The following EXD3 variants were observed in gnomAD, a reference collection of about 807,000 sequenced individuals.
The protein encoded by EXD3 is exonuclease 3'-5' domain containing 3.
Under a neutral mutation model 98.0 loss-of-function variants are expected in EXD3, and 92 were observed. The observed-to-expected ratio is 0.94, with a 90% CI of 0.79 to 1.12. The LOEUF is 1.12. Among genes scored for constraint, EXD3 ranks in the 50% most tolerant of loss-of-function variants. The pLI, the probability that EXD3 is intolerant of heterozygous loss-of-function variation, is 0.00. For synonymous variants in EXD3, 569 were observed against 526.0 expected (o/e 1.08, Z -1.12); for missense variants, 1,222 against 1,191.6 (o/e 1.03, Z -0.38).
intron 17 of EXD3, among the ~76,000 whole-genome samples, chr9:137,346,262 A>AAAAAAAAAAAAAAAAT: frequency 6.7e-6 from 1 of 149,554 alleles, no homozygotes; most frequent in African/African-American, 2.5e-5. Context: ...AAAAAAAAAA[A>AAAAAAAAAAAAAAAAT]AAAAATTCAC....
chr9:137,358,949 C>G (rs1005290440), intron 7 of EXD3, among the ~76,000 whole-genome samples: 5 of 150,800 alleles, frequency 3.3e-5, no homozygotes, highest in African/African-American at 1.2e-4. Context: ...CCTGGCAAGG[C>G]CTACTTTTTT....
rs745682713 is a variant in EXD3, at chr9:137,359,191, G to A, written c.657-2823C>T. Among the ~76,000 whole-genome samples the A allele has an allele frequency of 4.0e-4, 33 of 82,346 alleles. 12 individuals carry two copies. Among genetic ancestry groups the A allele is most frequent in the African/African-American group, 2.7e-4 (8 of 29,842 alleles). 54.0% of individuals were successfully genotyped at this position (82,346 alleles called of 152,430 possible). ...TCACTGTGTTAGCCAGGTTAGTCTC[G>A]ATCTCCTGACCTCATGATCTGCCTG... On this transcript the variant is annotated intron_variant, in intron 7 of 21. Coordinates refer to ENST00000340951, the MANE Select transcript of EXD3 (RefSeq NM_017820.5).
intron 19 of EXD3, among the ~76,000 whole-genome samples, chr9:137,317,953 GT>G (rs1368574093): frequency 6.6e-6 from 1 of 152,170 alleles, no homozygotes. Flanking sequence ...TGGGAATGGG[GT>G]CTGGGCTGAG....
At chr9:137,352,974 G>A (rs747843561) in intron 10 of EXD3, 188 bp from the exon 11 acceptor site, 347 of 1,406,206 alleles carry the variant, frequency 2.5e-4, no homozygotes, top group Non-Finnish European at 3.0e-4. Context: ...GGACCAAAGC[G>A]GCTGAGATAG....
chr9:137,327,232 C>A (rs1218961616), intron 17 of EXD3, among the ~76,000 whole-genome samples: 7 of 151,110 alleles, frequency 4.6e-5, no homozygotes, highest in African/African-American at 1.7e-4. Context: ...CTCCCGGGTT[C>A]ACGCCATTCT....
At chr9:137,365,272 G>A (rs1404186072) in intron 7 of EXD3, 1 of 152,240 alleles carries the variant, frequency 6.6e-6, no homozygotes, top group Non-Finnish European at 1.5e-5. Flanking sequence ...ACAAGTGGAG[G>A]AGGATGGGCC....
intron 3 of EXD3, among the ~76,000 whole-genome samples, chr9:137,379,021 C>T (rs1354315366): frequency 3.9e-5 from 4 of 101,964 alleles, no homozygotes; most frequent in South Asian, 3.6e-4. Flanking sequence ...TCGTGGGTGA[C>T]GGTGACCGTT....
At chr9:137,384,810 A>G (rs1236134973) in intron 2 of EXD3, among the ~76,000 whole-genome samples, 1 of 152,226 alleles carries the variant, frequency 6.6e-6, no homozygotes, top group Non-Finnish European at 1.5e-5. Flanking sequence ...AAAGCAGCTC[A>G]TGCAAAACAA....
chr9:137,313,586 C>T (rs1564462347), intron 19 of EXD3, among the ~76,000 whole-genome samples: 1 of 152,196 alleles, frequency 6.6e-6, no homozygotes, highest in Non-Finnish European at 1.5e-5. Context: ...GCAACCTCAG[C>T]CCAGGCCTGT....
At chr9:137,384,164 C>A (rs909342271) in intron 2 of EXD3, among the ~76,000 whole-genome samples, 1 of 152,194 alleles carries the variant, frequency 6.6e-6, no homozygotes, top group East Asian at 1.9e-4. Context: ...AGCTGCTGGG[C>A]CCCCCTGCAG....
chr9:137,331,178 T>C lies in EXD3; in HGVS notation c.1999-7035A>G, dbSNP rs959562401. On this transcript the variant is annotated intron_variant, in intron 17 of 21. Coordinates refer to ENST00000340951, the MANE Select transcript of EXD3 (RefSeq NM_017820.5). ...CTACACGATCATCTCAGTAGATGCA[T>C]ACAAAGCACTTGACAAAATCTAGCA... is the stretch of plus-strand genomic sequence containing the variant. Among the ~76,000 whole-genome samples the C allele has an allele frequency of 1.6e-4, 24 of 152,272 alleles. 1 individual carries two copies. Among genetic ancestry groups the C allele is most frequent in the East Asian group, 9.6e-4 (5 of 5,192 alleles).
chr9:137,372,962 G>C lies in EXD3; in HGVS notation c.405C>G (p.Asp135Glu). ...GGACGTGTGCCAGCAGGCAGCTCCTGTCTGCATCCTGCAGCTGGAAGATGC... is the reference window on the plus strand; with the variant it reads ...GGACGTGTGCCAGCAGGCAGCTCCTCTCTGCATCCTGCAGCTGGAAGATGC... ...LASIFQLQDA[D>E]RSCLLAHVHR... The change falls in exon 5 of 22, where the codon GAC becomes GAG. Residue 135 changes from aspartate (D) to glutamate (E), a missense_variant. Transcript: ENST00000340951. The C allele has an allele frequency of 6.2e-7, 1 of 1,603,326 alleles. No homozygotes were observed. The highest frequency in any genetic ancestry group is 8.5e-7 in the Non-Finnish European group (1 of 1,179,738).
At chr9:137,401,180 G>A (rs576205477) in intron 1 of EXD3, among the ~76,000 whole-genome samples, 15 of 127,696 alleles carry the variant, frequency 1.2e-4, no homozygotes, top group Non-Finnish European at 3.2e-5. Flanking sequence ...TTGAGATGGT[G>A]TCTCACTCTG....
At chr9:137,345,671 A>AAAAAAAAAAAAAAAAAAAAAAG (rs1554807528) in intron 17 of EXD3, 8 of 151,142 alleles carry the variant, frequency 5.3e-5, no homozygotes, top group African/African-American at 1.5e-4. Context: ...CAAAAAAAAA[A>AAAAAAAAAAAAAAAAAAAAAAG]AAAAGGAAAG....
At chr9:137,368,636 C>T (rs1269217565) in intron 5 of EXD3, among the ~76,000 whole-genome samples, 1 of 152,252 alleles carries the variant, frequency 6.6e-6, no homozygotes, top group Admixed American at 6.5e-5. Context: ...ACGAGAGCAG[C>T]CCGCGGAGCA....
chr9:137,363,842 G>T (rs1835101630), intron 7 of EXD3, among the ~76,000 whole-genome samples: 1 of 152,058 alleles, frequency 6.6e-6, no homozygotes, highest in Non-Finnish European at 1.5e-5. Flanking sequence ...ACATCTAAAT[G>T]GTCAAGTATA....
In EXD3 at chr9:137,405,503, G is replaced by A. The variant is rs558079745; in HGVS notation, c.-47-10099C>T. Reference sequence around the variant, plus strand: ...CTCACCCGTCCCCAGCCACTCACCCGTCCCCAGCATCCACAGTTTCTCAGG... The same window carrying A: ...CTCACCCGTCCCCAGCCACTCACCCATCCCCAGCATCCACAGTTTCTCAGG... On this transcript the variant is annotated intron_variant, in intron 1 of 21. Coordinates refer to ENST00000340951, the MANE Select transcript of EXD3 (RefSeq NM_017820.5). The surrounding 1 kb of genome is among the most constrained non-coding windows in gnomAD (Gnocchi z 4.1). 4.6e-4 allele frequency among the ~76,000 whole-genome samples: 70 copies of A among 152,286 alleles called. No homozygotes were observed. The highest frequency in any genetic ancestry group is 1.6e-3 in the African/African-American group (68 of 41,586).
chr9:137,327,428 C>G (rs566013814), intron 17 of EXD3, among the ~76,000 whole-genome samples: 28 of 152,188 alleles, frequency 1.8e-4, no homozygotes, highest in African/African-American at 6.0e-4. Context: ...CCACCGCGCC[C>G]GGCCAGTATG....
In EXD3 at chr9:137,395,379, G is replaced by A. The variant is rs750367505; in HGVS notation, c.-22C>T. 4.3e-6 allele frequency: 7 copies of A among 1,613,240 alleles called. No homozygotes were observed. Among genetic ancestry groups the A allele is most frequent in the African/African-American group, 2.7e-5 (2 of 75,042 alleles). Reference sequence around the variant, plus strand: ...CCATCCTCAGGGCCGGGCCGAGGACGCTGGCAGGCAGCTAGGAACGAGGAT... The same window carrying A: ...CCATCCTCAGGGCCGGGCCGAGGACACTGGCAGGCAGCTAGGAACGAGGAT... On this transcript the variant is annotated 5_prime_UTR_variant, in exon 2 of 22. Coordinates refer to ENST00000340951, the MANE Select transcript of EXD3 (RefSeq NM_017820.5). This position sits in a 1 kb window ranked among gnomAD's most constrained non-coding sequence, Gnocchi z 6.5.
Sources: gnomAD v4.1 joint callset for allele counts (sites outside exome capture counted in the v4.1 genomes callset) on GRCh38, gnomAD v4.1.1 for gene constraint, Gnocchi (gnomAD v3.1) non-coding constraint, MANE v1.5 for transcripts, NCBI Gene and HGNC (gene_info 2026-07-23, HGNC 2026-07-21) for gene names.